SLC4A4: variants seen among roughly 807,000 people sequenced by gnomAD.
The protein encoded by SLC4A4 is electrogenic sodium bicarbonate cotransporter 1.
In SLC4A4, 27 loss-of-function variants were observed where a neutral mutation model predicts 111.5. That is an observed-to-expected ratio of 0.24 (90% confidence interval 0.18 to 0.33). The LOEUF (loss-of-function observed/expected upper bound fraction) is 0.33, where lower values mean the gene tolerates loss of function less well. Among genes scored for constraint, SLC4A4 ranks in the 10% least tolerant of loss-of-function variants. The pLI, the probability that SLC4A4 is intolerant of heterozygous loss-of-function variation, is 1.00. For synonymous variants in SLC4A4, 443 were observed against 463.4 expected, an observed-to-expected ratio of 0.96 and a Z score of 0.57; for missense variants, 909 against 1,315.5, an observed-to-expected ratio of 0.69 and a Z score of 4.78.
At chr4:71,339,130 GT>G in intron 3 of SLC4A4, 9 of 1,610,892 alleles carry the variant, frequency 5.6e-6, no homozygotes, top group Non-Finnish European at 7.6e-6. Flanking sequence ...CAGAATTGGA[GT>G]GCTGTCCTTC....
chr4:71,330,721 A>C (rs1456926871), intron 3 of SLC4A4, among the ~76,000 whole-genome samples: 1 of 152,230 alleles, frequency 6.6e-6, no homozygotes, highest in East Asian at 1.9e-4. Flanking sequence ...AACAAAAGCC[A>C]AAATTGACAA....
chr4:71,098,279 G>A (rs1742617386), intron 2 of SLC4A4, among the ~76,000 whole-genome samples: 1 of 152,168 alleles, frequency 6.6e-6, no homozygotes, highest in Non-Finnish European at 1.5e-5. Flanking sequence ...TTATTAAATA[G>A]GTAGCCCTTT....
chr4:71,536,247 G>A (rs1257258329), intron 18 of SLC4A4, among the ~76,000 whole-genome samples: 2 of 150,952 alleles, frequency 1.3e-5, no homozygotes, highest in African/African-American at 4.9e-5. Context: ...TAGTCACAGG[G>A]GCAGCCTCCA....
intron 1 of SLC4A4, 126 bp from the exon 2 acceptor site, chr4:71,236,450 A>G: frequency 1.2e-6 from 1 of 868,360 alleles, no homozygotes; most frequent in Admixed American, 2.1e-5. Flanking sequence ...CACCAGAAGA[A>G]GAGTGACTCT....
chr4:71,265,101 A>G (rs1017146904), intron 3 of SLC4A4, among the ~76,000 whole-genome samples: 7 of 152,168 alleles, frequency 4.6e-5, no homozygotes, highest in African/African-American at 1.7e-4. Context: ...CTATTATTTT[A>G]TGATTCTTTC....
At chr4:71,087,857 G>C (rs1437638183) in intron 1 of SLC4A4, among the ~76,000 whole-genome samples, 1 of 151,970 alleles carries the variant, frequency 6.6e-6, no homozygotes, top group Non-Finnish European at 1.5e-5. Flanking sequence ...GGTGTGGTGT[G>C]GTGCTGAGAA....
At position 71,572,057 on chromosome 4, in the gene SLC4A4, T is replaced by C. The variant is rs985896499; in HGVS notation, c.*4306T>C. 1.3e-5 allele frequency: 2 copies of C among 152,252 alleles called. No individual in the cohort carries two copies. The highest frequency in any genetic ancestry group is 2.4e-5 in the African/African-American group (1 of 41,398). 9.4% of individuals were successfully genotyped at this position (152,252 alleles called of 1,614,324 possible). ...TTTATATTTTTCAAAATTATATGTA[T>C]ACTTAAAAATAAAGTAACTTTATGC... is the stretch of plus-strand genomic sequence containing the variant. On this transcript the variant is annotated 3_prime_UTR_variant, in exon 26 of 26. Coordinates refer to ENST00000264485, the MANE Select transcript of SLC4A4 (RefSeq NM_001098484.3).
chr4:71,128,353 C>T (rs1017297913), intron 2 of SLC4A4, among the ~76,000 whole-genome samples: 12 of 152,162 alleles, frequency 7.9e-5, no homozygotes, highest in Non-Finnish European at 1.6e-4. Context: ...GACCCGCCCC[C>T]ATGATTCAGT....
chr4:71,376,772 G>A (rs979396772), intron 6 of SLC4A4, among the ~76,000 whole-genome samples: 3 of 151,738 alleles, frequency 2.0e-5, no homozygotes, highest in African/African-American at 4.8e-5. Flanking sequence ...AAGTAGCTGG[G>A]ACTACATATG....
chr4:71,219,514 T>C lies in SLC4A4; in HGVS notation c.-1-17062T>C, dbSNP rs546293178. Among the ~76,000 whole-genome samples the C allele has an allele frequency of 1.2e-4, 18 of 152,344 alleles. No homozygotes were observed. In the South Asian group the frequency reaches 3.3e-3, roughly 28 times the overall value. On this transcript the variant is annotated intron_variant, in intron 1 of 25. Coordinates refer to ENST00000264485, the MANE Select transcript of SLC4A4 (RefSeq NM_001098484.3). ...ACAAGGAGATGAATGGTGGTTTTTA[T>C]GTGTGCTAAAATAACTTTCATTCTG...
At chr4:71,276,890 AG>A (rs1018127030) in intron 3 of SLC4A4, among the ~76,000 whole-genome samples, 6 of 152,038 alleles carry the variant, frequency 3.9e-5, no homozygotes, top group African/African-American at 1.4e-4. Flanking sequence ...TCTACAAAAA[AG>A]ACAAGAATAA....
chr4:71,427,043 G>T (rs977132051), intron 7 of SLC4A4, among the ~76,000 whole-genome samples: 6 of 152,032 alleles, frequency 3.9e-5, no homozygotes, highest in African/African-American at 1.4e-4. Flanking sequence ...GGTATGCATA[G>T]ATAGATGCAA....
intron 2 of SLC4A4, among the ~76,000 whole-genome samples, chr4:71,169,355 A>G (rs1444172086): frequency 1.3e-5 from 2 of 151,910 alleles, no homozygotes; most frequent in African/African-American, 2.4e-5. Flanking sequence ...ACTGTTCTCC[A>G]TAGTGGTTAT....
intron 3 of SLC4A4, among the ~76,000 whole-genome samples, chr4:71,309,181 G>A (rs988671924): frequency 1.3e-5 from 2 of 152,202 alleles, no homozygotes; most frequent in East Asian, 3.9e-4. Flanking sequence ...ACTGGGCAGG[G>A]CATCTCTGAA....
chr4:71,561,192 A>G (rs904739022), intron 23 of SLC4A4, among the ~76,000 whole-genome samples: 1 of 151,798 alleles, frequency 6.6e-6, no homozygotes, highest in Non-Finnish European at 1.5e-5. Flanking sequence ...GATAACTTTG[A>G]TTGATCATTG....
At chr4:71,212,165 G>GGTCTAATTTTAAAATT (rs2149013068) in intron 1 of SLC4A4, among the ~76,000 whole-genome samples, 1 of 152,240 alleles carries the variant, frequency 6.6e-6, no homozygotes, top group East Asian at 1.9e-4. Flanking sequence ...GAATAATTTA[G>GGTCTAATTTTAAAATT]GTCTAATTTT....
chr4:71,412,996 C>T lies in SLC4A4; in HGVS notation c.807+15343C>T, dbSNP rs1428910419. Reference sequence around the variant, plus strand: ...AATATGTCAGTTAAGTAACCATAACCTACTGGTGGCTCAGCCAGAAGCCCC... The same window carrying T: ...AATATGTCAGTTAAGTAACCATAACTTACTGGTGGCTCAGCCAGAAGCCCC... On this transcript the variant is annotated intron_variant, in intron 7 of 25. Transcript: ENST00000264485. Among the ~76,000 whole-genome samples the T allele has an allele frequency of 4.6e-5, 7 of 152,242 alleles. No homozygotes were observed. In the South Asian group the frequency reaches 1.2e-3, roughly 27 times the overall value.
At chr4:71,501,305 C>A (rs531940868) in intron 16 of SLC4A4, among the ~76,000 whole-genome samples, 2 of 151,934 alleles carry the variant, frequency 1.3e-5, no homozygotes, top group South Asian at 2.1e-4. Flanking sequence ...TTATATTCTG[C>A]AACTTTACTT....
chr4:71,496,298 G>A (rs987995013), intron 15 of SLC4A4, among the ~76,000 whole-genome samples: 10 of 152,008 alleles, frequency 6.6e-5, no homozygotes, highest in Admixed American at 1.3e-4. Context: ...AGCAGATTCA[G>A]ATATAGGGAT....
Sources: gnomAD v4.1 joint callset for allele counts (sites outside exome capture counted in the v4.1 genomes callset) on GRCh38, gnomAD v4.1.1 for gene constraint, MANE v1.5 for transcripts, NCBI Gene and HGNC (gene_info 2026-07-23, HGNC 2026-07-21) for gene names.